SKP2: variants seen among roughly 807,000 people sequenced by gnomAD.
SKP2 encodes S-phase kinase-associated protein 2.
SKP2 carries 16 observed loss-of-function variants against 51.8 expected under a neutral mutation model. That is an observed-to-expected ratio of 0.31 (90% CI 0.21 to 0.47). SKP2 has a LOEUF of 0.47. Among genes scored for constraint, SKP2 ranks in the 20% least tolerant of loss-of-function variants. The pLI is 1.00. For missense variants in SKP2, 377 were observed against 505.3 expected (o/e 0.75, Z 2.43); for synonymous variants, 176 against 198.6 (o/e 0.89, Z 0.96).
At chr5:36,170,496 C>G (rs966082635) in intron 6 of SKP2, 54 bp downstream of exon 6, 9 of 1,061,990 alleles carry the variant, frequency 8.5e-6, no homozygotes, top group African/African-American at 1.6e-5. Flanking sequence ...GTAAAATTAT[C>G]CCTCACATCT....
chr5:36,160,857 G>T (rs1393973507), intron 2 of SKP2, among the ~76,000 whole-genome samples: 2 of 152,150 alleles, frequency 1.3e-5, no homozygotes, highest in Non-Finnish European at 2.9e-5. Context: ...ACCTCCAGCT[G>T]CCTCCCCAGA....
chr5:36,154,895 C>A (rs974724690), intron 2 of SKP2, among the ~76,000 whole-genome samples: 1 of 152,148 alleles, frequency 6.6e-6, no homozygotes, highest in African/African-American at 2.4e-5. Flanking sequence ...TATATTCCCA[C>A]ATTAAAGTCA....
At chr5:36,185,732 A>G (rs1030410629), downstream of SKP2, among the ~76,000 whole-genome samples, 9 of 152,124 alleles carry the variant, frequency 5.9e-5, no homozygotes, top group Admixed American at 2.0e-4. Context: ...TCTTGGCAAT[A>G]CGGGCTCTTT....
chr5:36,181,917 G>C lies in SKP2; in HGVS notation c.1161G>C (p.Gln387His), dbSNP rs1188282523. Residue 387 changes from glutamine to histidine, a missense_variant, in exon 10 of 10, where the codon CAG (glutamine) becomes CAC (histidine). Around this residue, in one of 2 missense-constraint regions of SKP2, gnomAD observed 262 missense variants for 389.8 expected, o/e 0.67. Transcript: ENST00000274255. ...QLLKEALPHL[Q>H]INCSHFTTIA... ...TAAAGGAAGCCCTTCCTCATCTACA[G>C]ATTAATTGCTCCCATTTCACCACCA... 6.2e-7 allele frequency: 1 copy of C among 1,614,034 alleles called. No individual in the cohort carries two copies. Among genetic ancestry groups the C allele is most frequent in the African/African-American group, 1.3e-5 (1 of 74,910 alleles).
In SKP2 at chr5:36,158,906, G is replaced by A. The variant is rs72744535; in HGVS notation, c.281-4739G>A. Among the ~76,000 whole-genome samples, 378 of 152,280 alleles carry A rather than the reference G, an allele frequency of 2.5e-3. 1 individual carries two copies. Among genetic ancestry groups the A allele is most frequent in the Middle Eastern group, 6.8e-3 (2 of 294 alleles). ...CTTCTGCTCTGGGTTTTTGTCTTCA[G>A]CCTCATCCCCTCCATATGCCAACAG... is the stretch of plus-strand genomic sequence containing the variant. On this transcript the variant is annotated intron_variant, in intron 2 of 9. Coordinates refer to ENST00000274255, the MANE Select transcript of SKP2 (RefSeq NM_005983.4).
In SKP2 at chr5:36,183,737, G is replaced by T; in HGVS notation, c.*1706G>T. ...ACTATGAAGTGCCTTTATCTGCTTAGACCTAAGGAAGATTTTAAAGTTGGG... is the reference window on the plus strand; with the variant it reads ...ACTATGAAGTGCCTTTATCTGCTTATACCTAAGGAAGATTTTAAAGTTGGG... On this transcript the variant is annotated 3_prime_UTR_variant, in exon 10 of 10. Coordinates refer to ENST00000274255, the MANE Select transcript of SKP2 (RefSeq NM_005983.4). The T allele has an allele frequency of 6.9e-7, 1 of 1,444,718 alleles. No homozygotes were observed. The highest frequency in any genetic ancestry group is 9.1e-7 in the Non-Finnish European group (1 of 1,100,476). The allele number at this position is 1,444,718 out of a possible 1,614,324, so 89.5% of individuals were successfully genotyped here. A position where few individuals can be genotyped will look rare whatever the true frequency, so the allele number is the denominator to read the frequency against.
intron 4 of SKP2, among the ~76,000 whole-genome samples, chr5:36,167,694 C>CA (rs1371137587): frequency 1.3e-5 from 2 of 152,042 alleles, no homozygotes; most frequent in Non-Finnish European, 2.9e-5. Context: ...GATCTCGGCT[C>CA]ATTGCAACCT....
At chr5:36,153,723 T>C (rs997967177) in intron 2 of SKP2, among the ~76,000 whole-genome samples, 14 of 152,298 alleles carry the variant, frequency 9.2e-5, no homozygotes, top group Middle Eastern at 3.4e-3. Context: ...ATTCCAACCT[T>C]CTTCTCCCCA....
In SKP2 at chr5:36,182,577, A is replaced by G; in HGVS notation, c.*546A>G. On this transcript the variant is annotated 3_prime_UTR_variant, in exon 10 of 10. Coordinates refer to ENST00000274255, the MANE Select transcript of SKP2 (RefSeq NM_005983.4). ...TATTTGAATTTTGCCTTTAGATTTGAAATTAGGTTAATAGAAATAAGTAAC... is the reference window on the plus strand; with the variant it reads ...TATTTGAATTTTGCCTTTAGATTTGGAATTAGGTTAATAGAAATAAGTAAC... The G allele has an allele frequency of 1.0e-6, 1 of 983,864 alleles. No individual in the cohort carries two copies. The highest frequency in any genetic ancestry group is 1.2e-6 in the Non-Finnish European group (1 of 828,452). 60.9% of individuals were successfully genotyped at this position (983,864 alleles called of 1,614,324 possible).
rs202121334 is a variant in SKP2, at chr5:36,173,129, GTCA to G, written c.901+1403_901+1405del. 7.5e-3 allele frequency among the ~76,000 whole-genome samples: 1,143 copies of G among 151,658 alleles called. 10 individuals carry two copies. Among genetic ancestry groups the G allele is most frequent in the African/African-American group, 0.026 (1,084 of 41,312 alleles). ...ACCCCATTTTCAGTGACTACATGAT[GTCA>G]TCATCAGTGGCTATGTGATAGTCCA... On this transcript the variant is annotated intron_variant, in intron 7 of 9. Transcript: ENST00000274255.
intron 2 of SKP2, among the ~76,000 whole-genome samples, chr5:36,157,161 C>T (rs1442665465): frequency 1.7e-4 from 2 of 12,050 alleles, no homozygotes; most frequent in Admixed American, 6.8e-4. Context: ...TGGGATCTTC[C>T]CAGTCATCTT....
intron 3 of SKP2, among the ~76,000 whole-genome samples, chr5:36,165,261 C>T (rs1745248897): frequency 6.6e-6 from 1 of 152,076 alleles, no homozygotes. Flanking sequence ...AGGCAGGAAT[C>T]TAAAGTTTGG....
intron 2 of SKP2, among the ~76,000 whole-genome samples, chr5:36,162,882 G>A (rs1177269162): frequency 6.6e-6 from 1 of 152,170 alleles, no homozygotes; most frequent in Non-Finnish European, 1.5e-5. Context: ...GGAAGCAAAC[G>A]TCCTTCTCCA....
chr5:36,162,194 A>C (rs546644749), intron 2 of SKP2, among the ~76,000 whole-genome samples: 1 of 152,288 alleles, frequency 6.6e-6, no homozygotes, highest in Admixed American at 6.5e-5. Context: ...TCAAAGCCAA[A>C]GGCTTTATCA....
At chr5:36,163,239 A>G (rs1745180787) in intron 2 of SKP2, among the ~76,000 whole-genome samples, 1 of 152,190 alleles carries the variant, frequency 6.6e-6, no homozygotes, top group African/African-American at 2.4e-5. Context: ...ATTGATGTCA[A>G]TGAATTGACA....
chr5:36,163,785 G>C, intron 3 of SKP2, 29 bp downstream of exon 3: 1 of 1,387,660 alleles, frequency 7.2e-7, no homozygotes, highest in Non-Finnish European at 1.0e-6. Flanking sequence ...TTTGGCAAAC[G>C]TAGGGGAGGA....
At chr5:36,163,079 C>T (rs1745175359) in intron 2 of SKP2, among the ~76,000 whole-genome samples, 1 of 152,152 alleles carries the variant, frequency 6.6e-6, no homozygotes, top group Admixed American at 6.5e-5. Context: ...ATTATGGGAA[C>T]TACAATTCAA....
chr5:36,180,348 A>C, intron 9 of SKP2: 1 of 896,856 alleles, frequency 1.1e-6, no homozygotes, highest in Non-Finnish European at 1.6e-6. Context: ...CAGTGTTTCT[A>C]CATTCCAGAA....
intron 2 of SKP2, among the ~76,000 whole-genome samples, chr5:36,162,107 G>A (rs1745139592): frequency 6.6e-6 from 1 of 151,954 alleles, no homozygotes; most frequent in Non-Finnish European, 1.5e-5. Context: ...CAGCCAGAGT[G>A]ATCCTTTTTG....
Sources: gnomAD v4.1 joint callset for allele counts (sites outside exome capture counted in the v4.1 genomes callset) on GRCh38, gnomAD v4.1.1 for gene constraint, gnomAD v4.1.1 regional missense constraint, MANE v1.5 for transcripts, NCBI Gene and HGNC (gene_info 2026-07-23, HGNC 2026-07-21) for gene names.